Variants in TTLL7 observed in about 807,000 individuals in gnomAD.
TTLL7 encodes tubulin polyglutamylase TTLL7.
Under a neutral mutation model 120.2 loss-of-function variants are expected in TTLL7, and 53 were observed. The observed-to-expected ratio is 0.44, with a 90% CI of 0.35 to 0.55. The LOEUF (loss-of-function observed/expected upper bound fraction) is 0.55, where lower values mean the gene tolerates loss of function less well. Among genes scored for constraint, TTLL7 ranks in the 20% least tolerant of loss-of-function variants. The pLI, the probability that TTLL7 is intolerant of heterozygous loss-of-function variation, is 0.00. For missense variants in TTLL7, 803 were observed against 1,054.7 expected (o/e 0.76, Z 3.31); for synonymous variants, 353 against 351.7 (o/e 1.00, Z -0.04).
chr1:83,924,216 G>A (rs1463778086), intron 10 of TTLL7, among the ~76,000 whole-genome samples: 1 of 152,176 alleles, frequency 6.6e-6, no homozygotes, highest in Non-Finnish European at 1.5e-5. Flanking sequence ...AGGGTATGAT[G>A]AGTACTATTT....
Position 83,921,451 on chromosome 1 carries a change from CCT to C in TTLL7, c.1143-59_1143-58del, listed in dbSNP as rs1491349186. ...AACTCGAACAAGTTCTGATCTTATC[CCT>C]GTGAGGAGAATTTGCAGAACAGGAG... On this transcript the variant is annotated intron_variant, in intron 10 of 20. Transcript: ENST00000260505. 3.8e-6 allele frequency: 6 copies of C among 1,573,520 alleles called. No individual in the cohort carries two copies. The African/African-American group carries it at 8.2e-5, about 22-fold the overall frequency.
chr1:83,986,220 A>G (rs1213865491), intron 1 of TTLL7, among the ~76,000 whole-genome samples: 1 of 152,196 alleles, frequency 6.6e-6, no homozygotes, highest in African/African-American at 2.4e-5. Flanking sequence ...TAATGTGTGT[A>G]TATGTATAAT....
At chr1:83,930,877 T>A (rs888228761) in intron 9 of TTLL7, among the ~76,000 whole-genome samples, 1 of 152,070 alleles carries the variant, frequency 6.6e-6, no homozygotes, top group African/African-American at 2.4e-5. Flanking sequence ...CTATTTCAAA[T>A]TTTTCCCTCT....
intron 9 of TTLL7, 129 bp from the exon 10 acceptor site, chr1:83,929,359 G>A: frequency 1.7e-6 from 1 of 602,164 alleles, no homozygotes; most frequent in Non-Finnish European, 2.8e-6. Flanking sequence ...ATGGCAGATG[G>A]CCCAGTTGTT....
At chr1:83,980,582 A>G (rs2100602962) in intron 1 of TTLL7, 1 of 152,350 alleles carries the variant, frequency 6.6e-6, no homozygotes. Flanking sequence ...GACATTCTGG[A>G]CAAAGGAAAA....
intron 13 of TTLL7, among the ~76,000 whole-genome samples, chr1:83,918,794 CA>C (rs1658403648): frequency 6.6e-6 from 1 of 152,098 alleles, no homozygotes; most frequent in Non-Finnish European, 1.5e-5. Context: ...CAAAGAGGAA[CA>C]AGTTCTTCCT....
intron 10 of TTLL7, among the ~76,000 whole-genome samples, chr1:83,924,745 A>T (rs1223170596): frequency 6.6e-6 from 1 of 152,196 alleles, no homozygotes; most frequent in Non-Finnish European, 1.5e-5. Flanking sequence ...ATTTTACCAC[A>T]ATTTAAAAAA....
intron 20 of TTLL7, among the ~76,000 whole-genome samples, chr1:83,881,256 T>G (rs910564434): frequency 4.5e-4 from 68 of 151,010 alleles, no homozygotes; most frequent in Admixed American, 2.8e-3. Context: ...CTAATTAAAC[T>G]AAAGAGCTTC....
At chr1:83,968,967 C>T (rs2100563348) in intron 1 of TTLL7, among the ~76,000 whole-genome samples, 1 of 152,040 alleles carries the variant, frequency 6.6e-6, no homozygotes. Flanking sequence ...ACAGAAATTT[C>T]TTCTGAACAT....
chr1:83,871,521 TAC>T (rs1653393301), intron 20 of TTLL7, among the ~76,000 whole-genome samples: 1 of 152,164 alleles, frequency 6.6e-6, no homozygotes, highest in South Asian at 2.1e-4. Context: ...AGCAGCAATA[TAC>T]AGAGATTCGT....
At chr1:83,932,941 G>GA (rs200159745) in intron 9 of TTLL7, among the ~76,000 whole-genome samples, 5,185 of 152,036 alleles carry the variant, frequency 0.034, 119 homozygotes, top group East Asian at 0.06. Flanking sequence ...TAACTAGCAG[G>GA]AAAAAATATA....
At chr1:83,914,090 A>G (rs1026313899) in intron 14 of TTLL7, among the ~76,000 whole-genome samples, 2 of 152,190 alleles carry the variant, frequency 1.3e-5, no homozygotes, top group Non-Finnish European at 2.9e-5. Context: ...ATATTCTACA[A>G]TGCCTCAATA....
intron 7 of TTLL7, 145 bp from the exon 8 acceptor site, chr1:83,938,161 T>G: frequency 1.4e-6 from 1 of 701,696 alleles, no homozygotes; most frequent in Non-Finnish European, 2.4e-6. Context: ...ATTTAGATAA[T>G]ATCCCAATTA....
intron 19 of TTLL7, among the ~76,000 whole-genome samples, chr1:83,887,804 T>C (rs1655089128): frequency 1.4e-5 from 2 of 146,966 alleles, no homozygotes; most frequent in Admixed American, 7.0e-5. Flanking sequence ...GAGTAAATTA[T>C]ATACTCTGTT....
intron 9 of TTLL7, among the ~76,000 whole-genome samples, chr1:83,932,810 C>T (rs1659713455): frequency 1.3e-5 from 2 of 152,054 alleles, no homozygotes; most frequent in South Asian, 4.1e-4. Flanking sequence ...GTTTCCAAAA[C>T]ATGATATTTA....
intron 18 of TTLL7, among the ~76,000 whole-genome samples, chr1:83,897,673 A>G (rs1227462883): frequency 6.6e-6 from 1 of 151,954 alleles, no homozygotes; most frequent in Non-Finnish European, 1.5e-5. Flanking sequence ...GATCCCTTCA[A>G]CAGCCAGTCT....
intron 1 of TTLL7, among the ~76,000 whole-genome samples, chr1:83,968,359 C>T (rs1445211915): frequency 1.3e-5 from 2 of 151,780 alleles, no homozygotes; most frequent in Non-Finnish European, 2.9e-5. Flanking sequence ...TACTGACCCA[C>T]CAAGAAGATA....
At chr1:83,969,882 A>G (rs1345549009) in intron 1 of TTLL7, among the ~76,000 whole-genome samples, 1 of 152,036 alleles carries the variant, frequency 6.6e-6, no homozygotes, top group Non-Finnish European at 1.5e-5. Flanking sequence ...TTCATAATAA[A>G]TGAAATGATA....
At chr1:83,979,212 T>G (rs1651756417) in intron 1 of TTLL7, 1 of 151,562 alleles carries the variant, frequency 6.6e-6, no homozygotes. Context: ...GAGATTAGGG[T>G]TTTTCAAGAA....
Sources: gnomAD v4.1 joint callset for allele counts (sites outside exome capture counted in the v4.1 genomes callset) on GRCh38, gnomAD v4.1.1 for gene constraint, MANE v1.5 for transcripts, NCBI Gene and HGNC (gene_info 2026-07-23, HGNC 2026-07-21) for gene names.